Variants in PCDH9 observed in about 807,000 individuals in gnomAD.
PCDH9 encodes the protein protocadherin 9, also known as protocadherin-9.
PCDH9 carries 24 observed loss-of-function variants against 70.6 expected under a neutral mutation model. The ratio of observed to expected loss-of-function variants is 0.34; its 90% CI spans 0.25 to 0.48. The LOEUF (loss-of-function observed/expected upper bound fraction) is 0.48. Ranked by LOEUF, PCDH9 falls within the 20% of genes least tolerant of loss-of-function variation. The pLI, the probability that PCDH9 is intolerant of heterozygous loss-of-function variation, is 0.99. For missense variants in PCDH9, 1,281 were observed against 1,503.6 expected (o/e 0.85, Z 2.45); for synonymous variants, 562 against 558.5 (o/e 1.01, Z -0.09).
intron 2 of PCDH9, among the ~76,000 whole-genome samples, chr13:66,957,363 C>A (rs1718735806): frequency 6.6e-6 from 1 of 152,126 alleles, no homozygotes; most frequent in Admixed American, 6.5e-5. Flanking sequence ...CCAAGTTTCA[C>A]ATAATCTGCA....
At chr13:66,444,600 G>A (rs927305960) in intron 4 of PCDH9, among the ~76,000 whole-genome samples, 1 of 150,990 alleles carries the variant, frequency 6.6e-6, no homozygotes, top group Non-Finnish European at 1.5e-5. Flanking sequence ...TTGCTCTGTC[G>A]CCCAGACTGA....
chr13:67,076,955 C>T (rs904130212), intron 2 of PCDH9, among the ~76,000 whole-genome samples: 2 of 152,042 alleles, frequency 1.3e-5, no homozygotes, highest in Non-Finnish European at 2.9e-5. Flanking sequence ...TTAATATATA[C>T]AAAATCTGAA....
chr13:66,996,875 T>C (rs2084128027), intron 2 of PCDH9, among the ~76,000 whole-genome samples: 1 of 152,138 alleles, frequency 6.6e-6, no homozygotes, highest in Non-Finnish European at 1.5e-5. Flanking sequence ...CAGTATAGAA[T>C]TGAAAACTAA....
chr13:66,479,254 T>A (rs1460316966), intron 4 of PCDH9, among the ~76,000 whole-genome samples: 1 of 152,216 alleles, frequency 6.6e-6, no homozygotes, highest in Non-Finnish European at 1.5e-5. Flanking sequence ...GGACAATGTA[T>A]GTGATTATTC....
chr13:66,398,254 T>A (rs1340747252), intron 4 of PCDH9, among the ~76,000 whole-genome samples: 1 of 152,140 alleles, frequency 6.6e-6, no homozygotes, highest in Non-Finnish European at 1.5e-5. Flanking sequence ...ACAAGATTTT[T>A]AGTAAAGAGT....
chr13:66,712,753 T>C (rs183629109), intron 3 of PCDH9, among the ~76,000 whole-genome samples: 3 of 152,278 alleles, frequency 2.0e-5, no homozygotes, highest in Admixed American at 1.3e-4. Context: ...ACACATTATA[T>C]ATTTTCTAGT....
intron 3 of PCDH9, among the ~76,000 whole-genome samples, chr13:66,897,502 C>G (rs2082202602): frequency 6.6e-6 from 1 of 152,100 alleles, no homozygotes; most frequent in Admixed American, 6.6e-5. Context: ...AAAGCAGAGA[C>G]ATGTAGTAGA....
intron 3 of PCDH9, among the ~76,000 whole-genome samples, chr13:66,783,254 C>T (rs1566191709): frequency 1.3e-5 from 2 of 152,184 alleles, no homozygotes; most frequent in Non-Finnish European, 2.9e-5. Context: ...CCAGTGTTCT[C>T]AGCCCATTCT....
At chr13:66,748,825 T>C (rs1478900463) in intron 3 of PCDH9, among the ~76,000 whole-genome samples, 1 of 152,170 alleles carries the variant, frequency 6.6e-6, no homozygotes, top group Non-Finnish European at 1.5e-5. Context: ...ATCTCTAATG[T>C]GGTTTGGCTC....
intron 2 of PCDH9, among the ~76,000 whole-genome samples, chr13:67,164,872 C>T (rs1055830562): frequency 6.6e-6 from 1 of 152,196 alleles, no homozygotes; most frequent in African/African-American, 2.4e-5. Flanking sequence ...TACCCAATCA[C>T]TTGCTATGTC....
chr13:67,222,794 TA>T (rs1052611130), intron 2 of PCDH9: 3 of 152,250 alleles, frequency 2.0e-5, no homozygotes, highest in East Asian at 3.9e-4. Flanking sequence ...AGCCACTAGT[TA>T]AAAAAGTTTT....
intron 3 of PCDH9, among the ~76,000 whole-genome samples, chr13:66,868,105 T>C (rs925685179): frequency 3.9e-5 from 6 of 152,020 alleles, no homozygotes; most frequent in Admixed American, 2.0e-4. Context: ...CGAAATGTAA[T>C]GAGTGATTCA....
At chr13:67,135,738 G>T (rs1201221895) in intron 2 of PCDH9, among the ~76,000 whole-genome samples, 1 of 152,138 alleles carries the variant, frequency 6.6e-6, no homozygotes, top group Non-Finnish European at 1.5e-5. Context: ...AGCACTTGCA[G>T]AAAAATAGAA....
intron 2 of PCDH9, among the ~76,000 whole-genome samples, chr13:67,083,788 A>G (rs1045122199): frequency 1.4e-4 from 21 of 152,332 alleles, no homozygotes; most frequent in Non-Finnish European, 2.2e-4. Context: ...TCCAAACATA[A>G]ACATGACATA....
At chr13:66,971,397 A>C (rs1340084791) in intron 2 of PCDH9, among the ~76,000 whole-genome samples, 1 of 152,060 alleles carries the variant, frequency 6.6e-6, no homozygotes, top group Non-Finnish European at 1.5e-5. Context: ...TGTCCTTAAA[A>C]ATCCCTTTTT....
chr13:66,869,360 A>G (rs1359492063), intron 3 of PCDH9, among the ~76,000 whole-genome samples: 1 of 152,120 alleles, frequency 6.6e-6, no homozygotes, highest in Non-Finnish European at 1.5e-5. Flanking sequence ...TACTACTTGT[A>G]TTTATTTGTT....
intron 2 of PCDH9, among the ~76,000 whole-genome samples, chr13:66,906,668 G>A (rs1014799718): frequency 6.6e-6 from 1 of 152,014 alleles, no homozygotes; most frequent in Non-Finnish European, 1.5e-5. Context: ...CTAACTTACT[G>A]TTCTTTCCTT....
chr13:66,432,295 GAGA>G (rs989711903), intron 4 of PCDH9, among the ~76,000 whole-genome samples: 4 of 151,936 alleles, frequency 2.6e-5, no homozygotes, highest in African/African-American at 9.7e-5. Flanking sequence ...AAGAATATCA[GAGA>G]AGAAGACTGT....
At chr13:66,533,733 T>C (rs1960569849) in intron 4 of PCDH9, among the ~76,000 whole-genome samples, 1 of 152,168 alleles carries the variant, frequency 6.6e-6, no homozygotes, top group Non-Finnish European at 1.5e-5. Context: ...TACATCTATT[T>C]ATTTAAAAAT....
Sources: gnomAD v4.1 joint callset for allele counts (sites outside exome capture counted in the v4.1 genomes callset) on GRCh38, gnomAD v4.1.1 for gene constraint, MANE v1.5 for transcripts, NCBI Gene and HGNC (gene_info 2026-07-23, HGNC 2026-07-21) for gene names.